Variants in TMEM132D observed in about 807,000 individuals in gnomAD.
The protein encoded by TMEM132D is mature OL transmembrane protein.
TMEM132D carries 21 observed loss-of-function variants against 62.3 expected under a neutral mutation model. The observed-to-expected ratio is 0.34, with a 90% CI of 0.24 to 0.49. The LOEUF (loss-of-function observed/expected upper bound fraction) is 0.49. Ranked by LOEUF, TMEM132D falls within the 20% of genes least tolerant of loss-of-function variation. The probability of loss-of-function intolerance (pLI) is 0.99; values close to 1 mark genes in which losing one functional copy is unlikely to be tolerated. For missense variants in TMEM132D, 1,346 were observed against 1,402.8 expected (o/e 0.96, Z 0.65); for synonymous variants, 621 against 575.6 (o/e 1.08, Z -1.13).
intron 5 of TMEM132D, among the ~76,000 whole-genome samples, chr12:129,130,200 C>T (rs1593270801): frequency 6.6e-6 from 1 of 152,062 alleles, no homozygotes; most frequent in Non-Finnish European, 1.5e-5. Context: ...GAGGGTGACA[C>T]CCTGCAGGCA....
At chr12:129,542,026 T>C (rs1876596885) in intron 2 of TMEM132D, among the ~76,000 whole-genome samples, 1 of 152,170 alleles carries the variant, frequency 6.6e-6, no homozygotes, top group Non-Finnish European at 1.5e-5. Flanking sequence ...ATGGGAGATA[T>C]CAGATGTGAG....
intron 3 of TMEM132D, among the ~76,000 whole-genome samples, chr12:129,513,933 G>T (rs1456498816): frequency 6.6e-6 from 1 of 151,146 alleles, no homozygotes; most frequent in African/African-American, 2.4e-5. Flanking sequence ...CGCCTCCCGG[G>T]TTTGTGCCAT....
intron 2 of TMEM132D, among the ~76,000 whole-genome samples, chr12:129,614,693 G>A (rs192434971): frequency 7.2e-5 from 11 of 152,228 alleles, no homozygotes; most frequent in East Asian, 1.9e-4. Context: ...CAGGCTGGGC[G>A]GGGACTGTGG....
intron 5 of TMEM132D, among the ~76,000 whole-genome samples, chr12:129,106,231 C>T (rs1048993332): frequency 1.7e-4 from 24 of 140,110 alleles, no homozygotes; most frequent in African/African-American, 6.6e-4. Context: ...AACACATGGA[C>T]AAAGGAAGGG....
chr12:129,168,877 C>T (rs920022866), intron 5 of TMEM132D, among the ~76,000 whole-genome samples: 1 of 152,142 alleles, frequency 6.6e-6, no homozygotes, highest in Non-Finnish European at 1.5e-5. Flanking sequence ...CTCTACCCAA[C>T]TCCCATCACC....
chr12:129,326,691 G>A (rs1041650608), intron 4 of TMEM132D, among the ~76,000 whole-genome samples: 1 of 152,054 alleles, frequency 6.6e-6, no homozygotes, highest in Admixed American at 6.6e-5. Context: ...CAGCTCCATT[G>A]TTTTCAACTC....
chr12:129,188,095 C>T (rs1470380305), intron 5 of TMEM132D, among the ~76,000 whole-genome samples: 1 of 152,256 alleles, frequency 6.6e-6, no homozygotes, highest in Non-Finnish European at 1.5e-5. Flanking sequence ...TGCAACAGAA[C>T]TCTGCAGCTT....
chr12:129,076,248 A>C (rs1874252722), intron 8 of TMEM132D, among the ~76,000 whole-genome samples: 1 of 152,258 alleles, frequency 6.6e-6, no homozygotes, highest in Non-Finnish European at 1.5e-5. Context: ...ATAGGAAGAC[A>C]ATAATGAATT....
chr12:129,114,518 C>T (rs1380421897), intron 5 of TMEM132D, among the ~76,000 whole-genome samples: 8 of 151,184 alleles, frequency 5.3e-5, no homozygotes, highest in Non-Finnish European at 1.2e-4. Flanking sequence ...TTAATTTATC[C>T]TTATTTAACT....
chr12:129,651,776 A>C (rs906177107), intron 2 of TMEM132D, among the ~76,000 whole-genome samples: 1 of 152,196 alleles, frequency 6.6e-6, no homozygotes, highest in Non-Finnish European at 1.5e-5. Context: ...ATCTTTGAGG[A>C]GTCATGCATG....
chr12:129,588,259 G>T (rs1321567309), intron 2 of TMEM132D, among the ~76,000 whole-genome samples: 1 of 152,198 alleles, frequency 6.6e-6, no homozygotes. Context: ...TATAGGTTAA[G>T]CCACAGTCTT....
At chr12:129,122,939 C>A (rs565343847) in intron 5 of TMEM132D, among the ~76,000 whole-genome samples, 1 of 152,030 alleles carries the variant, frequency 6.6e-6, no homozygotes, top group Non-Finnish European at 1.5e-5. Context: ...TAAGATTGGT[C>A]GCCTTGCATA....
chr12:129,557,581 T>A (rs770652356), intron 2 of TMEM132D, among the ~76,000 whole-genome samples: 1 of 152,166 alleles, frequency 6.6e-6, no homozygotes, highest in Admixed American at 6.5e-5. Flanking sequence ...CCAGGTGTGG[T>A]AAGGCATGCT....
chr12:129,373,590 C>A (rs1870687700), intron 3 of TMEM132D, among the ~76,000 whole-genome samples: 1 of 152,038 alleles, frequency 6.6e-6, no homozygotes, highest in African/African-American at 2.4e-5. Flanking sequence ...TGAGATTGAG[C>A]CACTGCACTC....
chr12:129,903,590 T>C lies in TMEM132D; in HGVS notation c.-251A>G. The C allele has an allele frequency of 1.9e-6, 1 of 538,018 alleles. No individual in the cohort carries two copies. The highest frequency in any genetic ancestry group is 3.1e-5 in the East Asian group (1 of 32,550). 33.3% of individuals were successfully genotyped at this position (538,018 alleles called of 1,614,324 possible). A position where few individuals can be genotyped will look rare whatever the true frequency, so the allele number is the denominator to read the frequency against. On this transcript the variant is annotated 5_prime_UTR_variant, in exon 1 of 9. Transcript: ENST00000422113. The surrounding 1 kb of genome is among the most constrained non-coding windows in gnomAD (Gnocchi z 6.2). Reference sequence around the variant, plus strand: ...CGCAGGCAAACCCCACCTCCCTCCTTCGACCCCAACAGAATTTTTTTTAAA... The same window carrying C: ...CGCAGGCAAACCCCACCTCCCTCCTCCGACCCCAACAGAATTTTTTTTAAA...
intron 3 of TMEM132D, among the ~76,000 whole-genome samples, chr12:129,395,914 C>T (rs998565353): frequency 2.1e-5 from 3 of 144,680 alleles, no homozygotes; most frequent in African/African-American, 7.6e-5. Context: ...CTATATAATA[C>T]ATTATATTAT....
intron 2 of TMEM132D, among the ~76,000 whole-genome samples, chr12:129,621,700 TTAAC>T (rs1879074059): frequency 6.6e-6 from 1 of 152,212 alleles, no homozygotes; most frequent in Non-Finnish European, 1.5e-5. Flanking sequence ...GCCTGGTCAA[TTAAC>T]ACACTACATC....
intron 5 of TMEM132D, among the ~76,000 whole-genome samples, chr12:129,128,949 A>C (rs778443544): frequency 7.9e-5 from 12 of 151,044 alleles, no homozygotes; most frequent in Non-Finnish European, 1.6e-4. Context: ...ATGGCTGCAT[A>C]GTATTCTCTG....
chr12:129,317,219 AG>A (rs1372678585), intron 4 of TMEM132D, among the ~76,000 whole-genome samples: 2 of 151,922 alleles, frequency 1.3e-5, no homozygotes, highest in African/African-American at 4.8e-5. Flanking sequence ...TTTAACTTGT[AG>A]TTTTGTTTTA....
Sources: allele counts gnomAD v4.1 joint callset (sites outside exome capture counted in the v4.1 genomes callset), GRCh38; gene constraint gnomAD v4.1.1; non-coding constraint Gnocchi (gnomAD v3.1); transcripts MANE v1.5; gene names NCBI Gene and HGNC (gene_info 2026-07-23, HGNC 2026-07-21).